The following FOXN2 variants were observed in gnomAD, a reference collection of about 807,000 sequenced individuals.
The protein encoded by FOXN2 is forkhead box protein N2.
A neutral mutation model predicts 41.2 loss-of-function variants in FOXN2; 19 were observed. The ratio of observed to expected loss-of-function variants is 0.46; its 90% CI spans 0.32 to 0.68. FOXN2 has a LOEUF of 0.68. Among genes scored for constraint, FOXN2 ranks in the 30% least tolerant of loss-of-function variants. The pLI is 0.03. For synonymous variants in FOXN2, 195 were observed against 176.8 expected (o/e 1.10, Z -0.82); for missense variants, 587 against 509.4 (o/e 1.15, Z -1.47).
intron 2 of FOXN2, among the ~76,000 whole-genome samples, chr2:48,335,551 A>ACCAAAAACATCTTTAAAGATCATGG (rs1670279041): frequency 1.3e-5 from 2 of 151,846 alleles, no homozygotes. Flanking sequence ...AGAATTCTAT[A>ACCAAAAACATCTTTAAAGATCATGG]GCAAAAACAT....
intron 3 of FOXN2, among the ~76,000 whole-genome samples, chr2:48,357,467 G>T (rs922620210): frequency 7.3e-5 from 11 of 151,568 alleles, no homozygotes; most frequent in Non-Finnish European, 1.5e-4. Flanking sequence ...TGGCTTTGGG[G>T]CAAAAGATGT....
intron 2 of FOXN2, among the ~76,000 whole-genome samples, chr2:48,333,389 C>T (rs1329096625): frequency 1.3e-5 from 2 of 151,926 alleles, no homozygotes; most frequent in African/African-American, 2.4e-5. Context: ...ATTTAAATTT[C>T]TATATTTAAA....
At chr2:48,332,482 C>T (rs933911801) in intron 2 of FOXN2, among the ~76,000 whole-genome samples, 4 of 152,148 alleles carry the variant, frequency 2.6e-5, no homozygotes, top group African/African-American at 7.2e-5. Context: ...TGATGAAAGA[C>T]GTATTGTGGC....
chr2:48,326,373 T>C (rs1339888508), intron 1 of FOXN2, among the ~76,000 whole-genome samples: 1 of 152,172 alleles, frequency 6.6e-6, no homozygotes, highest in Non-Finnish European at 1.5e-5. Flanking sequence ...CGCAGGGTCT[T>C]GTATACAAGG....
intron 3 of FOXN2, among the ~76,000 whole-genome samples, chr2:48,351,561 G>A (rs574177690): frequency 6.6e-6 from 1 of 152,244 alleles, no homozygotes; most frequent in Non-Finnish European, 1.5e-5. Flanking sequence ...CATGGGATAT[G>A]GTTTTGGGAT....
chr2:48,364,296 T>C (rs2104485075), intron 5 of FOXN2, among the ~76,000 whole-genome samples: 1 of 152,330 alleles, frequency 6.6e-6, no homozygotes, highest in South Asian at 2.1e-4. Context: ...GGCACAGTCA[T>C]GACTCACCAT....
At chr2:48,345,405 G>A (rs1453154073) in intron 2 of FOXN2, among the ~76,000 whole-genome samples, 1 of 152,054 alleles carries the variant, frequency 6.6e-6, no homozygotes, top group Non-Finnish European at 1.5e-5. Flanking sequence ...TTACACAAGA[G>A]GAGTAAGTTC....
intron 5 of FOXN2, among the ~76,000 whole-genome samples, chr2:48,366,038 A>G (rs530042000): frequency 6.6e-6 from 1 of 152,298 alleles, no homozygotes; most frequent in South Asian, 2.1e-4. Flanking sequence ...TGCATAGATG[A>G]GAGACCCAGG....
At chr2:48,345,814 T>C (rs1671057936) in intron 2 of FOXN2, among the ~76,000 whole-genome samples, 2 of 152,310 alleles carry the variant, frequency 1.3e-5, no homozygotes, top group South Asian at 4.1e-4. Context: ...AGTAAAATCA[T>C]AGATTCTTAA....
At chr2:48,333,891 G>A (rs888045407) in intron 2 of FOXN2, among the ~76,000 whole-genome samples, 1 of 150,984 alleles carries the variant, frequency 6.6e-6, no homozygotes, top group East Asian at 1.9e-4. Context: ...GATGTGAGGT[G>A]TGTGTGTGTG....
chr2:48,366,282 T>A (rs1344433895), intron 5 of FOXN2, among the ~76,000 whole-genome samples: 1 of 151,304 alleles, frequency 6.6e-6, no homozygotes, highest in Non-Finnish European at 1.5e-5. Flanking sequence ...TCACTTGAAC[T>A]TGGGAGGTGG....
intron 2 of FOXN2, among the ~76,000 whole-genome samples, chr2:48,335,002 C>G (rs967516375): frequency 3.3e-5 from 5 of 152,104 alleles, no homozygotes; most frequent in Admixed American, 3.3e-4. Flanking sequence ...TGTTACTACT[C>G]CCAAGGGCCT....
chr2:48,358,899 A>G, intron 3 of FOXN2, 148 bp from the exon 4 acceptor site: 2 of 583,306 alleles, frequency 3.4e-6, no homozygotes, highest in Non-Finnish European at 6.0e-6. Context: ...TAGTCACTAC[A>G]GTGCACACAT....
chr2:48,357,926 C>CTGCTAAA (rs1671914049), intron 3 of FOXN2, among the ~76,000 whole-genome samples: 1 of 148,898 alleles, frequency 6.7e-6, no homozygotes, highest in Non-Finnish European at 1.5e-5. Context: ...TGATATCTTG[C>CTGCTAAA]TGCTAAACAC....
chr2:48,342,637 G>A (rs768532416), intron 2 of FOXN2, among the ~76,000 whole-genome samples: 17 of 151,944 alleles, frequency 1.1e-4, no homozygotes, highest in Non-Finnish European at 1.9e-4. Flanking sequence ...AAGATCATTT[G>A]CCTGTTTATC....
chr2:48,321,390 G>A (rs779554353), intron 1 of FOXN2, among the ~76,000 whole-genome samples: 7 of 152,126 alleles, frequency 4.6e-5, no homozygotes, highest in Non-Finnish European at 1.0e-4. Flanking sequence ...AAAAAAATTA[G>A]GCGGGCGTGG....
intron 3 of FOXN2, among the ~76,000 whole-genome samples, chr2:48,352,698 C>A (rs747825651): frequency 3.3e-5 from 5 of 152,156 alleles, no homozygotes; most frequent in Non-Finnish European, 5.9e-5. Context: ...AGCTAGAAAT[C>A]TGAGTCATCT....
At chr2:48,347,434 T>A (rs1172383419) in intron 3 of FOXN2, among the ~76,000 whole-genome samples, 1 of 151,766 alleles carries the variant, frequency 6.6e-6, no homozygotes, top group African/African-American at 2.4e-5. Flanking sequence ...TGCCATGTTG[T>A]CCAGACTGGT....
At chr2:48,373,991 G>T (rs899742859) in intron 6 of FOXN2, among the ~76,000 whole-genome samples, 1 of 151,244 alleles carries the variant, frequency 6.6e-6, no homozygotes, top group African/African-American at 2.4e-5. Flanking sequence ...GGAGGTGGGG[G>T]TTGCAGTGAG....
Sources: allele counts gnomAD v4.1 joint callset (sites outside exome capture counted in the v4.1 genomes callset), GRCh38; gene constraint gnomAD v4.1.1; transcripts MANE v1.5; gene names NCBI Gene and HGNC (gene_info 2026-07-23, HGNC 2026-07-21).